SAXO1: variants seen among roughly 807,000 people sequenced by gnomAD.
SAXO1 encodes the protein 4930500O09Rik.
In SAXO1, 21 loss-of-function variants were observed where a neutral mutation model predicts 17.5. The ratio of observed to expected loss-of-function variants is 1.20; its 90% CI spans 0.85 to 1.72. The LOEUF is 1.72. Ranked by LOEUF, SAXO1 falls within the 40% of genes most tolerant of loss-of-function variation. The probability of loss-of-function intolerance (pLI) is 0.00; values close to 1 mark genes in which losing one functional copy is unlikely to be tolerated. For missense variants in SAXO1, 843 were observed against 596.0 expected, an observed-to-expected ratio of 1.41 and a Z score of -4.32; for synonymous variants, 274 against 216.5, an observed-to-expected ratio of 1.27 and a Z score of -2.33.
At chr9:19,001,164 T>C (rs1009969201) in intron 1 of SAXO1, among the ~76,000 whole-genome samples, 2 of 152,170 alleles carry the variant, frequency 1.3e-5, no homozygotes, top group South Asian at 2.1e-4. Context: ...ATCACACTTA[T>C]TCTAAACTTG....
chr9:18,958,547 T>A (rs1286482219), intron 1 of SAXO1, among the ~76,000 whole-genome samples: 2 of 152,024 alleles, frequency 1.3e-5, no homozygotes, highest in Non-Finnish European at 2.9e-5. Flanking sequence ...CTTTAATGGT[T>A]ATTTGGTACG....
At chr9:18,935,123 C>CA (rs1288382765) in intron 3 of SAXO1, among the ~76,000 whole-genome samples, 1 of 151,824 alleles carries the variant, frequency 6.6e-6, no homozygotes, top group East Asian at 1.9e-4. Flanking sequence ...TGTATTTTTA[C>CA]AAAAAAATAC....
intron 1 of SAXO1, among the ~76,000 whole-genome samples, chr9:19,010,683 A>G (rs11792398): frequency 6.6e-6 from 1 of 152,072 alleles, no homozygotes; most frequent in Non-Finnish European, 1.5e-5. Flanking sequence ...AACTTATTTT[A>G]AAAACGGGTT....
intron 1 of SAXO1, among the ~76,000 whole-genome samples, chr9:18,976,378 A>G (rs1214267234): frequency 6.6e-6 from 1 of 152,198 alleles, no homozygotes; most frequent in African/African-American, 2.4e-5. Context: ...TGCTACAAGC[A>G]CAAACAAATC....
intron 1 of SAXO1, among the ~76,000 whole-genome samples, chr9:19,010,820 A>G (rs1260361437): frequency 6.6e-6 from 1 of 152,198 alleles, no homozygotes; most frequent in Admixed American, 6.5e-5. Context: ...TCCTTTCTCA[A>G]TAGGACCACA....
intron 1 of SAXO1, among the ~76,000 whole-genome samples, chr9:18,979,693 G>T (rs954816825): frequency 6.6e-6 from 1 of 152,188 alleles, no homozygotes; most frequent in Admixed American, 6.5e-5. Context: ...GCCTAGAATT[G>T]GAGGCAGCAT....
intron 1 of SAXO1, among the ~76,000 whole-genome samples, chr9:19,047,164 G>C (rs775716525): frequency 6.6e-6 from 1 of 152,196 alleles, no homozygotes; most frequent in Non-Finnish European, 1.5e-5. Context: ...TCCGGCCTAG[G>C]CTGCTGAGCA....
chr9:18,944,007 A>G (rs7031878), intron 2 of SAXO1, among the ~76,000 whole-genome samples: 21,081 of 152,260 alleles, frequency 0.14, 1,995 homozygotes, highest in African/African-American at 0.27. Context: ...CTTATTGCGC[A>G]TCTCCCACGG....
chr9:18,968,660 C>T (rs909978604), intron 1 of SAXO1, among the ~76,000 whole-genome samples: 4 of 150,132 alleles, frequency 2.7e-5, no homozygotes, highest in African/African-American at 7.5e-5. Flanking sequence ...GTGGTATGAT[C>T]GCAGCTCACT....
intron 1 of SAXO1, among the ~76,000 whole-genome samples, chr9:18,958,983 C>G (rs10738524): frequency 0.77 from 116,348 of 152,082 alleles, 44,602 homozygotes; most frequent in Middle Eastern, 0.83. Flanking sequence ...AGGGATCAAA[C>G]AAAGAAACGA....
intron 1 of SAXO1, among the ~76,000 whole-genome samples, chr9:18,965,722 T>A (rs1166860914): frequency 6.6e-6 from 1 of 152,228 alleles, no homozygotes; most frequent in African/African-American, 2.4e-5. Flanking sequence ...TGTCTTTTAA[T>A]TGGAGCATTT....
intron 3 of SAXO1, among the ~76,000 whole-genome samples, chr9:18,934,010 G>C (rs1450944447): frequency 6.6e-6 from 1 of 152,154 alleles, no homozygotes; most frequent in Non-Finnish European, 1.5e-5. Context: ...TGCAGCCACT[G>C]CACTCCAGCC....
chr9:19,004,973 A>G (rs1834429014), intron 1 of SAXO1, among the ~76,000 whole-genome samples: 1 of 152,210 alleles, frequency 6.6e-6, no homozygotes. Context: ...AACACACTAA[A>G]ATCAGTTGAA....
At chr9:19,023,186 A>AT (rs1463704523) in intron 1 of SAXO1, among the ~76,000 whole-genome samples, 3 of 117,786 alleles carry the variant, frequency 2.5e-5, no homozygotes. Context: ...TCTGCAGGGC[A>AT]TTTTTTATTA....
chr9:19,018,814 T>C (rs2131011207), intron 1 of SAXO1, among the ~76,000 whole-genome samples: 1 of 152,278 alleles, frequency 6.6e-6, no homozygotes, highest in East Asian at 1.9e-4. Context: ...ATAGCTGCCT[T>C]AAGAACCTTC....
intron 2 of SAXO1, among the ~76,000 whole-genome samples, chr9:18,950,246 T>A (rs1831974142): frequency 6.6e-6 from 1 of 151,884 alleles, no homozygotes. Flanking sequence ...TATTTGTTCA[T>A]CTTTCTTGAA....
At chr9:19,043,215 A>G (rs1836120461) in intron 1 of SAXO1, among the ~76,000 whole-genome samples, 1 of 152,220 alleles carries the variant, frequency 6.6e-6, no homozygotes, top group East Asian at 1.9e-4. Context: ...TCAGCCACAA[A>G]AAAAAAGAAT....
intron 1 of SAXO1, among the ~76,000 whole-genome samples, chr9:18,971,158 G>T (rs1832928941): frequency 6.6e-6 from 1 of 152,126 alleles, no homozygotes; most frequent in Non-Finnish European, 1.5e-5. Flanking sequence ...GGGCCTTTCT[G>T]CAGCAGCAAG....
chr9:18,984,723 A>G (rs1324122721), intron 1 of SAXO1, among the ~76,000 whole-genome samples: 3 of 152,136 alleles, frequency 2.0e-5, no homozygotes, highest in East Asian at 1.9e-4. Flanking sequence ...CTTTCTCCAT[A>G]TCACTAAAAC....
Sources: allele counts gnomAD v4.1 joint callset (sites outside exome capture counted in the v4.1 genomes callset), GRCh38; gene constraint gnomAD v4.1.1; transcripts MANE v1.5; gene names NCBI Gene and HGNC (gene_info 2026-07-23, HGNC 2026-07-21).